ITGA4: variants seen among roughly 807,000 people sequenced by gnomAD.
ITGA4 encodes the protein integrin subunit alpha 4.
Under a neutral mutation model 133.6 loss-of-function variants are expected in ITGA4, and 63 were observed. The observed-to-expected ratio is 0.47, with a 90% CI of 0.38 to 0.58. The LOEUF (loss-of-function observed/expected upper bound fraction) is 0.58, where lower values mean the gene tolerates loss of function less well. Among genes scored for constraint, ITGA4 ranks in the 20% least tolerant of loss-of-function variants. The probability of loss-of-function intolerance (pLI) is 0.00; values close to 1 mark genes in which losing one functional copy is unlikely to be tolerated. For synonymous variants in ITGA4, 483 were observed against 438.0 expected, an observed-to-expected ratio of 1.10 and a Z score of -1.28; for missense variants, 1,076 against 1,252.7, an observed-to-expected ratio of 0.86 and a Z score of 2.13.
Position 181,527,331 on chromosome 2 carries a change from A to T in ITGA4, c.2374A>T (p.Asn792Tyr). 6.2e-7 allele frequency: 1 copy of T among 1,613,216 alleles called. No homozygotes were observed. The highest frequency in any genetic ancestry group is 8.5e-7 in the Non-Finnish European group (1 of 1,179,224). The change falls in exon 22 of 28, where the codon AAT becomes TAT. Residue 792 changes from asparagine (N) to tyrosine (Y), a missense_variant. Coordinates refer to ENST00000397033, the MANE Select transcript of ITGA4 (RefSeq NM_000885.6). ...VNPTSFVYGS[N>Y]DENEPETCMV... ...CCCAACTTCATTTGTGTATGGATCA[A>T]ATGATGAAAATGAGCCTGAAACGTG...
intron 15 of ITGA4, among the ~76,000 whole-genome samples, chr2:181,500,679 G>A (rs1686248662): frequency 6.6e-6 from 1 of 152,054 alleles, no homozygotes; most frequent in South Asian, 2.1e-4. Context: ...ACCCCCACTT[G>A]TCAGAGGACT....
intron 2 of ITGA4, among the ~76,000 whole-genome samples, chr2:181,463,280 T>G (rs565038819): frequency 6.6e-6 from 1 of 152,282 alleles, no homozygotes; most frequent in African/African-American, 2.4e-5. Context: ...GATACAACTC[T>G]AAGTATGAAT....
chr2:181,459,992 G>A (rs1685229576), intron 2 of ITGA4, among the ~76,000 whole-genome samples: 1 of 152,178 alleles, frequency 6.6e-6, no homozygotes, highest in South Asian at 2.1e-4. Flanking sequence ...TTGGGCATGT[G>A]TAGCATGGGA....
At chr2:181,512,224 G>A (rs982833206) in intron 17 of ITGA4, among the ~76,000 whole-genome samples, 2 of 152,058 alleles carry the variant, frequency 1.3e-5, no homozygotes, top group Admixed American at 6.6e-5. Context: ...CAGAGAGAGA[G>A]AATGAACACT....
intron 15 of ITGA4, among the ~76,000 whole-genome samples, chr2:181,506,307 A>G (rs913863959): frequency 4.6e-5 from 7 of 152,136 alleles, no homozygotes; most frequent in African/African-American, 1.7e-4. Context: ...ATTTGAAGCA[A>G]CATACAAATC....
At chr2:181,460,033 G>A (rs981363766) in intron 2 of ITGA4, among the ~76,000 whole-genome samples, 1 of 152,200 alleles carries the variant, frequency 6.6e-6, no homozygotes, top group African/African-American at 2.4e-5. Context: ...TGTAAACATA[G>A]TAGATATGTC....
intron 17 of ITGA4, among the ~76,000 whole-genome samples, chr2:181,518,976 G>C (rs1686665838): frequency 6.6e-6 from 1 of 151,866 alleles, no homozygotes; most frequent in Non-Finnish European, 1.5e-5. Context: ...TAGAAACAAA[G>C]ATAGATATAA....
At chr2:181,509,399 C>G (rs1289472616) in intron 15 of ITGA4, among the ~76,000 whole-genome samples, 1 of 151,766 alleles carries the variant, frequency 6.6e-6, no homozygotes, top group Non-Finnish European at 1.5e-5. Flanking sequence ...AAAATACTCC[C>G]AAGTACAGAA....
intron 20 of ITGA4, 56 bp downstream of exon 20, chr2:181,524,306 G>A (rs1686789139): frequency 2.1e-6 from 2 of 965,912 alleles, no homozygotes; most frequent in Non-Finnish European, 1.6e-6. Context: ...TTCTGAGGGG[G>A]GGGAATTAGG....
chr2:181,479,783 A>G (rs566196746), intron 5 of ITGA4: 1 of 154,736 alleles, frequency 6.5e-6, no homozygotes, highest in Admixed American at 6.5e-5. Context: ...GATTATCTCC[A>G]TAATTAGCAC....
In ITGA4 at chr2:181,458,241, A is replaced by G. The variant is rs1234911230; in HGVS notation, c.243A>G (p.Ser81=). The G allele has an allele frequency of 1.2e-6, 2 of 1,613,776 alleles. No homozygotes were observed. The highest frequency in any genetic ancestry group is 1.7e-5 in the Admixed American group (1 of 59,994). The change falls in exon 2 of 28, where the codon TCA becomes TCG. Residue 81 remains serine (S), a synonymous_variant. Transcript: ENST00000397033. The stretch of plus-strand genomic sequence containing the variant: ...CTGCCAACTGGCTCGCCAACGCTTC[A>G]GTGATCAATCCCGGGGCGATTTACA... ...APTANWLANA[S]VINPGAIYRC...
At chr2:181,504,649 G>A (rs1017026057) in intron 15 of ITGA4, among the ~76,000 whole-genome samples, 4 of 151,994 alleles carry the variant, frequency 2.6e-5, no homozygotes, top group African/African-American at 7.2e-5. Flanking sequence ...TTCTTCATTA[G>A]ATTGCAAGAT....
intron 10 of ITGA4, chr2:181,486,235 T>C: frequency 5.0e-6 from 2 of 398,712 alleles, no homozygotes; most frequent in Admixed American, 4.7e-5. Flanking sequence ...TAAGGCACCA[T>C]TGATTAGAAA....
At chr2:181,459,341 G>GC (rs1201459646) in intron 2 of ITGA4, 7 of 152,146 alleles carry the variant, frequency 4.6e-5, no homozygotes, top group Non-Finnish European at 1.0e-4. Flanking sequence ...TGTCTGCTGA[G>GC]CTGATGGGTC....
intron 11 of ITGA4, 138 bp from the exon 12 acceptor site, chr2:181,494,584 T>G: frequency 1.6e-6 from 1 of 624,360 alleles, no homozygotes; most frequent in Non-Finnish European, 2.9e-6. Context: ...TTAGAAGTAT[T>G]TGATTTAACT....
At chr2:181,526,821 CTTTTTTTTTTTTTTTTTTTTTTTTTT>C (rs538208494) in intron 21 of ITGA4, among the ~76,000 whole-genome samples, 1 of 40,994 alleles carries the variant, frequency 2.4e-5, no homozygotes. Context: ...AGCACATGGC[CTTTTTTTTTTTTTTTTTTTTTTTTTT>C]TTTTTTAAGA....
intron 17 of ITGA4, among the ~76,000 whole-genome samples, chr2:181,514,495 A>C (rs1686568471): frequency 6.6e-6 from 1 of 151,488 alleles, no homozygotes; most frequent in African/African-American, 2.4e-5. Context: ...CCAGAAACAG[A>C]GACTACGGAC....
intron 2 of ITGA4, among the ~76,000 whole-genome samples, chr2:181,461,377 C>T (rs1034185735): frequency 6.6e-6 from 1 of 151,606 alleles, no homozygotes; most frequent in African/African-American, 2.4e-5. Context: ...GACATCTCTT[C>T]TCTCACTTCT....
Position 181,512,044 on chromosome 2 carries a change from AATAG to A in ITGA4, c.1922+273_1922+276del, listed in dbSNP as rs1686516980. On this transcript the variant is annotated intron_variant, in intron 17 of 27. Transcript: ENST00000397033. Reference sequence around the variant, plus strand: ...AGAAGGGGAAACAGAGTAAAAAGGAAATAGATATGTGTTTTAGAATAGCATCTAA... The same window carrying A: ...AGAAGGGGAAACAGAGTAAAAAGGAAATATGTGTTTTAGAATAGCATCTAA... Among the ~76,000 whole-genome samples, 3 of 152,194 alleles carry A rather than the reference AATAG, an allele frequency of 2.0e-5. No homozygotes were observed. The Middle Eastern group carries it at 0.01, about 518-fold the overall frequency.
Sources: allele counts gnomAD v4.1 joint callset (sites outside exome capture counted in the v4.1 genomes callset), GRCh38; gene constraint gnomAD v4.1.1; transcripts MANE v1.5; gene names NCBI Gene and HGNC (gene_info 2026-07-23, HGNC 2026-07-21).